PCDHGB2: variants seen among roughly 807,000 people sequenced by gnomAD.
PCDHGB2 encodes protocadherin gamma subfamily B, 2, also known as protocadherin gamma-B2.
In PCDHGB2, 55 loss-of-function variants were observed where a neutral mutation model predicts 59.3. The observed-to-expected ratio is 0.93, with a 90% confidence interval of 0.75 to 1.16. The LOEUF (loss-of-function observed/expected upper bound fraction) is 1.16. PCDHGB2 is among the 50% of genes most tolerant of loss of function. The pLI, the probability that PCDHGB2 is intolerant of heterozygous loss-of-function variation, is 0.00. For synonymous variants in PCDHGB2, 516 were observed against 512.0 expected (o/e 1.01, Z -0.11); for missense variants, 1,228 against 1,198.5 (o/e 1.02, Z -0.36).
chr5:141,365,179 TGAA>T (rs1323798128), intron 1 of PCDHGB2: 22 of 1,613,762 alleles, frequency 1.4e-5, no homozygotes, highest in Non-Finnish European at 1.9e-5. Context: ...CTTTTCGCAA[TGAA>T]GAAGAAAAAA....
At chr5:141,378,598 G>C (rs1374032317) in intron 1 of PCDHGB2, 4 of 152,136 alleles carry the variant, frequency 2.6e-5, no homozygotes, top group Admixed American at 6.5e-5. Context: ...TCTGCTTACA[G>C]GACATATCTC....
At chr5:141,384,890 TG>T in intron 1 of PCDHGB2, 1 of 1,613,868 alleles carries the variant, frequency 6.2e-7, no homozygotes, top group Non-Finnish European at 8.5e-7. Flanking sequence ...ACCGTGGCTG[TG>T]GCTGACAGCA....
chr5:141,482,000 G>A (rs1421859839), intron 1 of PCDHGB2, among the ~76,000 whole-genome samples: 8 of 150,854 alleles, frequency 5.3e-5, no homozygotes, highest in East Asian at 1.9e-4. Flanking sequence ...CAGGAGAATC[G>A]CTTTATCTCA....
At chr5:141,419,104 C>T (rs756257411) in intron 1 of PCDHGB2, 75 of 1,613,732 alleles carry the variant, frequency 4.6e-5, no homozygotes, top group Non-Finnish European at 5.9e-5. Context: ...GGGAGCAGAC[C>T]CCAGAGTACA....
intron 1 of PCDHGB2, chr5:141,366,166 C>A (rs764048783): frequency 1.2e-6 from 2 of 1,614,076 alleles, no homozygotes; most frequent in Admixed American, 1.7e-5. Flanking sequence ...TTAAGGCCAG[C>A]GAGCCAGGAC....
Position 141,486,170 on chromosome 5 carries a change from C to A in PCDHGB2, c.2422-8637C>A. ...TGGGGGTTCTCCAGCCATGGAGCAACATTGCAGCCTTCGAGTGGATCTGCT... is the reference window on the plus strand; with the variant it reads ...TGGGGGTTCTCCAGCCATGGAGCAAAATTGCAGCCTTCGAGTGGATCTGCT... On this transcript the variant is annotated intron_variant, in intron 1 of 3. Coordinates refer to ENST00000522605, the MANE Select transcript of PCDHGB2 (RefSeq NM_018923.3). This position sits in a 1 kb window ranked among gnomAD's most constrained non-coding sequence, Gnocchi z 5.0. 6.2e-7 allele frequency: 1 copy of A among 1,614,234 alleles called. No homozygotes were observed. Among genetic ancestry groups the A allele is most frequent in the African/African-American group, 1.3e-5 (1 of 75,052 alleles).
intron 1 of PCDHGB2, among the ~76,000 whole-genome samples, chr5:141,438,835 A>T (rs1591550617): frequency 6.7e-6 from 1 of 149,784 alleles, no homozygotes; most frequent in African/African-American, 2.5e-5. Flanking sequence ...CTAATTTTTT[A>T]AAATATTTTT....
At chr5:141,412,713 TG>T (rs1172943618) in intron 1 of PCDHGB2, 2 of 152,812 alleles carry the variant, frequency 1.3e-5, no homozygotes, top group Non-Finnish European at 2.9e-5. Context: ...TGTACATTTC[TG>T]TTGGGAAAAC....
rs1263728099 is a variant in PCDHGB2, at chr5:141,476,079, G to T, written c.2422-18728G>T. Reference sequence around the variant, plus strand: ...AGTTTCTCAGCGAAATCTCAGGGACGATCTGGACCCCGCTGAGAGGAACTG... The same window carrying T: ...AGTTTCTCAGCGAAATCTCAGGGACTATCTGGACCCCGCTGAGAGGAACTG... On this transcript the variant is annotated intron_variant, in intron 1 of 3. Coordinates refer to ENST00000522605, the MANE Select transcript of PCDHGB2 (RefSeq NM_018923.3). This position sits in a 1 kb window ranked among gnomAD's most constrained non-coding sequence, Gnocchi z 7.6. 3 of 1,537,560 alleles carry T rather than the reference G, an allele frequency of 2.0e-6. No homozygotes were observed. Among genetic ancestry groups the T allele is most frequent in the African/African-American group, 1.4e-5 (1 of 72,808 alleles).
intron 1 of PCDHGB2, among the ~76,000 whole-genome samples, chr5:141,430,366 A>G (rs551419486): frequency 3.3e-5 from 5 of 150,370 alleles, no homozygotes; most frequent in Admixed American, 6.7e-5. Context: ...CTCATTGGGG[A>G]AAAAAAAGCT....
rs755499740 is a variant in PCDHGB2 at position 141,389,751 on chromosome 5, G to C, written c.2421+27195G>C. 1.9e-6 allele frequency: 3 copies of C among 1,612,800 alleles called. No individual in the cohort carries two copies. The highest frequency in any genetic ancestry group is 1.1e-5 in the South Asian group (1 of 91,032). ...CTTCAGCCTGGGGCTGCGCACGGGC[G>C]AAGTGCGCACAGCGCGTGCCTTAGG... On this transcript the variant is annotated intron_variant, in intron 1 of 3. Coordinates refer to ENST00000522605, the MANE Select transcript of PCDHGB2 (RefSeq NM_018923.3).
In PCDHGB2 at chr5:141,511,216, C is replaced by A. The variant is rs374915167; in HGVS notation, c.*43C>A. On this transcript the variant is annotated 3_prime_UTR_variant, in exon 4 of 4. Coordinates refer to ENST00000522605, the MANE Select transcript of PCDHGB2 (RefSeq NM_018923.3). Reference sequence around the variant, plus strand: ...GAGCCACAGGGCGGCCTCTCCCCAACCAGCCCAGCTTCTCCTTACCTGCAC... The same window carrying A: ...GAGCCACAGGGCGGCCTCTCCCCAAACAGCCCAGCTTCTCCTTACCTGCAC... The A allele has an allele frequency of 6.2e-7, 1 of 1,608,004 alleles. No homozygotes were observed. The highest frequency in any genetic ancestry group is 1.3e-5 in the African/African-American group (1 of 74,736).
rs574393099 is a variant in PCDHGB2 at position 141,372,200 on chromosome 5, C to T, written c.2421+9644C>T. On this transcript the variant is annotated intron_variant, in intron 1 of 3. Transcript: ENST00000522605. ...TGGACGCAGACTCGGGATACAACGC[C>T]TGGCTGTCCTACCACATTGTGCAGG... The T allele has an allele frequency of 2.0e-5, 32 of 1,613,598 alleles. No individual in the cohort carries two copies. The South Asian group carries it at 3.4e-4, about 17-fold the overall frequency.
In PCDHGB2 at chr5:141,427,233, G is replaced by A. The variant is rs147039909; in HGVS notation, c.2421+64677G>A. On this transcript the variant is annotated intron_variant, in intron 1 of 3. Transcript: ENST00000522605. Reference sequence around the variant, plus strand: ...ATTTCGTAGCAGTTATACCATGAGAGTAGAAGCTAAGGATGGTGGAGGCAT... The same window carrying A: ...ATTTCGTAGCAGTTATACCATGAGAATAGAAGCTAAGGATGGTGGAGGCAT... 180 of 456,756 alleles carry A rather than the reference G, an allele frequency of 3.9e-4. 1 individual carries two copies. The highest frequency in any genetic ancestry group is 3.5e-3 in the African/African-American group (176 of 50,196). The allele number at this position is 456,756 out of a possible 1,614,324, so 28.3% of individuals were successfully genotyped here.
chr5:141,468,860 C>A (rs941902317), intron 1 of PCDHGB2, among the ~76,000 whole-genome samples: 16 of 151,980 alleles, frequency 1.1e-4, no homozygotes, highest in Admixed American at 4.6e-4. Context: ...AGCGAGACTC[C>A]ATCTCAAAAA....
At chr5:141,389,649 G>A in intron 1 of PCDHGB2, 2 of 1,612,716 alleles carry the variant, frequency 1.2e-6, no homozygotes, top group Non-Finnish European at 1.7e-6. Context: ...GGTGACCAAG[G>A]TAGTGGCGGT....
chr5:141,504,790 CT>C (rs1204741124), intron 2 of PCDHGB2, among the ~76,000 whole-genome samples: 15 of 152,080 alleles, frequency 9.9e-5, no homozygotes, highest in Admixed American at 3.9e-4. Context: ...TTGGGGCCTC[CT>C]ACATCTCCCC....
At chr5:141,408,557 G>A in intron 1 of PCDHGB2, 6 of 1,614,046 alleles carry the variant, frequency 3.7e-6, no homozygotes, top group Non-Finnish European at 5.1e-6. Flanking sequence ...TATTTTTCAT[G>A]TCATTGTGGT....
Position 141,430,964 on chromosome 5 carries a change from A to G in PCDHGB2, c.2422-63843A>G, listed in dbSNP as rs547574367. The G allele has an allele frequency of 7.3e-5, 117 of 1,612,860 alleles. No homozygotes were observed. The South Asian group carries it at 1.2e-3, about 17-fold the overall frequency. On this transcript the variant is annotated intron_variant, in intron 1 of 3. Coordinates refer to ENST00000522605, the MANE Select transcript of PCDHGB2 (RefSeq NM_018923.3). The stretch of plus-strand genomic sequence containing the variant: ...GGAGCGCGGAGTCCGCATCATCCCC[A>G]GAGGTAGGACGCAGCTTTTCGCCCT...
Sources: allele counts gnomAD v4.1 joint callset (sites outside exome capture counted in the v4.1 genomes callset), GRCh38; gene constraint gnomAD v4.1.1; non-coding constraint Gnocchi (gnomAD v3.1); transcripts MANE v1.5; gene names NCBI Gene and HGNC (gene_info 2026-07-23, HGNC 2026-07-21).